The following CNTNAP2 variants were observed in gnomAD, a reference collection of about 807,000 sequenced individuals.
The protein encoded by CNTNAP2 is contactin-associated protein-like 2.
In CNTNAP2, 98 loss-of-function variants were observed where a neutral mutation model predicts 155.2. The ratio of observed to expected loss-of-function variants is 0.63; its 90% CI spans 0.54 to 0.75. The LOEUF (loss-of-function observed/expected upper bound fraction) is 0.75, where lower values mean the gene tolerates loss of function less well. Among genes scored for constraint, CNTNAP2 ranks in the 30% least tolerant of loss-of-function variants. The pLI is 0.00. For missense variants in CNTNAP2, 1,727 were observed against 1,688.1 expected (o/e 1.02, Z -0.40); for synonymous variants, 651 against 631.2 (o/e 1.03, Z -0.47).
chr7:147,365,399 A>ACC (rs1563176834), intron 9 of CNTNAP2, among the ~76,000 whole-genome samples: 1 of 147,322 alleles, frequency 6.8e-6, no homozygotes, highest in South Asian at 2.1e-4. Context: ...AAAAAAAAAA[A>ACC]AAAAAAAAAC....
intron 2 of CNTNAP2, among the ~76,000 whole-genome samples, chr7:146,834,394 T>C (rs1341665380): frequency 2.0e-5 from 3 of 152,190 alleles, no homozygotes; most frequent in Non-Finnish European, 4.4e-5. Context: ...TGTATATCTT[T>C]ACAGCATACG....
intron 13 of CNTNAP2, among the ~76,000 whole-genome samples, chr7:147,889,323 C>A (rs1249437305): frequency 6.6e-6 from 1 of 152,062 alleles, no homozygotes; most frequent in East Asian, 1.9e-4. Context: ...AGACTAGACT[C>A]TCCAGTTAAA....
intron 1 of CNTNAP2, among the ~76,000 whole-genome samples, chr7:146,661,860 T>G (rs535764467): frequency 6.6e-6 from 1 of 152,278 alleles, no homozygotes; most frequent in South Asian, 2.1e-4. Flanking sequence ...TGTTCATTTT[T>G]GTATGTTTAA....
At chr7:146,205,232 T>G (rs983590291) in intron 1 of CNTNAP2, among the ~76,000 whole-genome samples, 11 of 151,934 alleles carry the variant, frequency 7.2e-5, no homozygotes, top group African/African-American at 2.7e-4. Context: ...CAGAGACAAG[T>G]CAAGTGGTTC....
At chr7:147,931,296 TAAATA>T (rs373511883) in intron 14 of CNTNAP2, among the ~76,000 whole-genome samples, 1,519 of 147,956 alleles carry the variant, frequency 0.01, 28 homozygotes, top group African/African-American at 0.034. Context: ...AAAACTCAAA[TAAATA>T]AAATAAAAAA....
At chr7:147,998,392 A>T (rs62471149) in intron 15 of CNTNAP2, among the ~76,000 whole-genome samples, 1 of 152,010 alleles carries the variant, frequency 6.6e-6, no homozygotes, top group Non-Finnish European at 1.5e-5. Context: ...ATTACAGGCG[A>T]GAGCCACGGC....
intron 3 of CNTNAP2, chr7:146,915,998 G>A (rs893616496): frequency 1.3e-5 from 2 of 151,722 alleles, no homozygotes; most frequent in Admixed American, 6.6e-5. Flanking sequence ...GTCCTTCTAT[G>A]CCGATTTTGC....
At chr7:146,262,522 C>T (rs1799935756) in intron 1 of CNTNAP2, among the ~76,000 whole-genome samples, 5 of 152,034 alleles carry the variant, frequency 3.3e-5, no homozygotes, top group Admixed American at 3.3e-4. Flanking sequence ...AACATTTTTC[C>T]AATATGTACA....
At chr7:146,444,773 T>C (rs1286935201) in intron 1 of CNTNAP2, among the ~76,000 whole-genome samples, 1 of 151,766 alleles carries the variant, frequency 6.6e-6, no homozygotes, top group Non-Finnish European at 1.5e-5. Context: ...TTCTCCTCCC[T>C]CAGCCTCCCG....
intron 14 of CNTNAP2, among the ~76,000 whole-genome samples, chr7:147,948,695 G>T (rs1055014968): frequency 1.2e-4 from 18 of 149,494 alleles, no homozygotes; most frequent in South Asian, 6.4e-4. Context: ...ATATACAGTT[G>T]ACCCTTGGAC....
chr7:147,248,150 A>G (rs541381730), intron 8 of CNTNAP2, among the ~76,000 whole-genome samples: 4 of 152,306 alleles, frequency 2.6e-5, no homozygotes, highest in African/African-American at 7.2e-5. Context: ...ACTGCTTCCG[A>G]AAAGGTTATA....
At chr7:146,878,462 A>G (rs1795473931) in intron 3 of CNTNAP2, among the ~76,000 whole-genome samples, 1 of 150,884 alleles carries the variant, frequency 6.6e-6, no homozygotes, top group Non-Finnish European at 1.5e-5. Context: ...TTTTTTTAAT[A>G]AGATTATACC....
At chr7:147,943,855 T>A (rs889511937) in intron 14 of CNTNAP2, among the ~76,000 whole-genome samples, 1 of 148,722 alleles carries the variant, frequency 6.7e-6, no homozygotes, top group Admixed American at 6.7e-5. Context: ...TTACAAGTCC[T>A]TGCTCATAAT....
chr7:147,825,172 A>G (rs959505969), intron 13 of CNTNAP2, among the ~76,000 whole-genome samples: 7 of 152,196 alleles, frequency 4.6e-5, no homozygotes, highest in African/African-American at 1.7e-4. Context: ...TCTTGTTTCA[A>G]TTTTATATGT....
intron 1 of CNTNAP2, among the ~76,000 whole-genome samples, chr7:146,490,668 C>T (rs755402064): frequency 7.9e-5 from 12 of 152,026 alleles, no homozygotes; most frequent in South Asian, 2.1e-4. Flanking sequence ...CTTAAAATAT[C>T]GTATATATTT....
chr7:147,984,463 G>C (rs2116874044), intron 15 of CNTNAP2, among the ~76,000 whole-genome samples: 1 of 152,222 alleles, frequency 6.6e-6, no homozygotes, highest in South Asian at 2.1e-4. Flanking sequence ...ATAAGTTTCA[G>C]AGTTCAGACT....
At chr7:146,386,881 C>T (rs994882448) in intron 1 of CNTNAP2, among the ~76,000 whole-genome samples, 1 of 152,090 alleles carries the variant, frequency 6.6e-6, no homozygotes, top group African/African-American at 2.4e-5. Context: ...GTGTGCCCCT[C>T]AAATACCTTG....
chr7:146,534,992 C>T (rs955044750), intron 1 of CNTNAP2, among the ~76,000 whole-genome samples: 4 of 138,938 alleles, frequency 2.9e-5, no homozygotes, highest in East Asian at 2.1e-4. Context: ...TGTACACACA[C>T]GCTCATACAC....
chr7:147,521,143 C>T (rs775285394), intron 11 of CNTNAP2, among the ~76,000 whole-genome samples: 4 of 152,182 alleles, frequency 2.6e-5, no homozygotes, highest in Non-Finnish European at 5.9e-5. Context: ...TTCCATGTCT[C>T]TCCTATGTTA....
Sources: allele counts gnomAD v4.1 joint callset (sites outside exome capture counted in the v4.1 genomes callset), GRCh38; gene constraint gnomAD v4.1.1; transcripts MANE v1.5; gene names NCBI Gene and HGNC (gene_info 2026-07-23, HGNC 2026-07-21).